THRB: variants seen among roughly 807,000 people sequenced by gnomAD.
THRB encodes the protein nuclear receptor subfamily 1 group A member 2.
In THRB, 12 loss-of-function variants were observed where a neutral mutation model predicts 47.8. The observed-to-expected ratio is 0.25, with a 90% CI of 0.16 to 0.41. THRB has a LOEUF of 0.41. THRB is among the 10% of genes least tolerant of loss of function. The pLI is 1.00. For synonymous variants in THRB, 218 were observed against 212.2 expected (o/e 1.03, Z -0.24); for missense variants, 348 against 589.2 (o/e 0.59, Z 4.24).
intron 1 of THRB, among the ~76,000 whole-genome samples, chr3:24,396,188 A>G (rs766045383): frequency 6.6e-5 from 10 of 151,948 alleles, no homozygotes; most frequent in Non-Finnish European, 7.4e-5. Flanking sequence ...TATTTTTTCT[A>G]TATATACACA....
chr3:24,178,560 T>C (rs547077743), intron 5 of THRB, among the ~76,000 whole-genome samples: 1 of 152,338 alleles, frequency 6.6e-6, no homozygotes, highest in South Asian at 2.1e-4. Flanking sequence ...TCAGCCTGTA[T>C]TTTGTCAAGA....
At chr3:24,200,861 G>A (rs57942045) in intron 4 of THRB, among the ~76,000 whole-genome samples, 1,777 of 152,230 alleles carry the variant, frequency 0.012, 38 homozygotes, top group African/African-American at 0.04. Flanking sequence ...GAGAGCAGGC[G>A]CTTTTGGGAT....
At chr3:24,474,056 C>T (rs926339356) in intron 1 of THRB, among the ~76,000 whole-genome samples, 11 of 152,092 alleles carry the variant, frequency 7.2e-5, no homozygotes, top group African/African-American at 2.7e-4. Flanking sequence ...ACGTGTATAC[C>T]TATGTAACAA....
chr3:24,304,640 TA>T (rs2057206915), intron 2 of THRB, among the ~76,000 whole-genome samples: 1 of 152,028 alleles, frequency 6.6e-6, no homozygotes, highest in South Asian at 2.1e-4. Flanking sequence ...AACAAAAATG[TA>T]AACCTAAATA....
chr3:24,444,010 T>A (rs1416659185), intron 1 of THRB, among the ~76,000 whole-genome samples: 1 of 152,168 alleles, frequency 6.6e-6, no homozygotes, highest in Admixed American at 6.5e-5. Context: ...CATTTTATAG[T>A]ATTCCAAAAC....
chr3:24,415,272 C>T (rs765730323), intron 1 of THRB, among the ~76,000 whole-genome samples: 2 of 151,858 alleles, frequency 1.3e-5, no homozygotes, highest in Non-Finnish European at 2.9e-5. Flanking sequence ...AATGCTGATA[C>T]TCCAGCTACT....
chr3:24,451,772 T>A lies in THRB; in HGVS notation c.-261+42880A>T, dbSNP rs567714154. Among the ~76,000 whole-genome samples the A allele has an allele frequency of 5.3e-5, 8 of 152,300 alleles. No individual in the cohort carries two copies. In the East Asian group the frequency reaches 1.5e-3, roughly 29 times the overall value. ...GGGAGTGAATCAGACTTGCAGCCAA[T>A]AAGCACAAAGCTGACCTTTAAACCT... is the stretch of plus-strand genomic sequence containing the variant. On this transcript the variant is annotated intron_variant, in intron 1 of 10. Coordinates refer to ENST00000646209, the MANE Select transcript of THRB (RefSeq NM_001354712.2).
intron 8 of THRB, among the ~76,000 whole-genome samples, chr3:24,136,801 C>T (rs1170987372): frequency 6.6e-6 from 1 of 152,190 alleles, no homozygotes; most frequent in East Asian, 1.9e-4. Context: ...CTGATATCCT[C>T]TCTTTGCCCT....
At chr3:24,382,993 C>A (rs570565699) in intron 1 of THRB, among the ~76,000 whole-genome samples, 2 of 152,210 alleles carry the variant, frequency 1.3e-5, no homozygotes, top group South Asian at 4.2e-4. Flanking sequence ...GGAACATTCC[C>A]CTCTAGTCTA....
chr3:24,133,229 C>A lies in THRB; in HGVS notation c.885+87G>T, dbSNP rs370147368. The A allele has an allele frequency of 2.1e-5, 30 of 1,455,562 alleles. No individual in the cohort carries two copies. In the East Asian group the frequency reaches 2.8e-4, roughly 13 times the overall value. 90.2% of individuals were successfully genotyped at this position (1,455,562 alleles called of 1,614,324 possible). A position where few individuals can be genotyped will look rare whatever the true frequency, so the allele number is the denominator to read the frequency against. On this transcript the variant is annotated intron_variant, in intron 9 of 10. Coordinates refer to ENST00000646209, the MANE Select transcript of THRB (RefSeq NM_001354712.2). ...ATATGATTAAGTCCCTACTAATTAA[C>A]ATTAAATTGTAAATAATACCCAGTA...
intron 6 of THRB, among the ~76,000 whole-genome samples, chr3:24,151,526 A>T (rs2036937356): frequency 6.6e-6 from 1 of 152,254 alleles, no homozygotes; most frequent in Admixed American, 6.5e-5. Context: ...GGTATTTAAC[A>T]AGTAAACAAT....
chr3:24,488,746 G>C (rs144250496), intron 1 of THRB, among the ~76,000 whole-genome samples: 17 of 152,246 alleles, frequency 1.1e-4, no homozygotes, highest in African/African-American at 4.1e-4. Context: ...TTAAATGAAT[G>C]AGTAGTAACT....
chr3:24,217,296 T>A (rs2046665276), intron 4 of THRB, among the ~76,000 whole-genome samples: 4 of 152,074 alleles, frequency 2.6e-5, no homozygotes. Flanking sequence ...TATGAGGCAG[T>A]CTGTGACACT....
intron 1 of THRB, among the ~76,000 whole-genome samples, chr3:24,454,395 G>A (rs182522522): frequency 2.0e-5 from 3 of 152,262 alleles, no homozygotes; most frequent in African/African-American, 7.2e-5. Context: ...ATGAGTGTGA[G>A]GTTTTTGAGG....
At chr3:24,345,132 G>A (rs2062930156) in intron 1 of THRB, among the ~76,000 whole-genome samples, 1 of 152,138 alleles carries the variant, frequency 6.6e-6, no homozygotes, top group South Asian at 2.1e-4. Context: ...CTTCCGCTGG[G>A]TAATTTATAC....
At chr3:24,158,441 G>T (rs970055753) in intron 5 of THRB, among the ~76,000 whole-genome samples, 7 of 19,212 alleles carry the variant, frequency 3.6e-4, no homozygotes, top group East Asian at 7.4e-4. Context: ...TTTGGGGGGA[G>T]GGTGGGGGAC....
chr3:24,188,453 C>G (rs890717669), intron 5 of THRB, among the ~76,000 whole-genome samples: 3 of 152,158 alleles, frequency 2.0e-5, no homozygotes, highest in Non-Finnish European at 2.9e-5. Context: ...ATCTTGTATT[C>G]AAACAGAGAC....
intron 3 of THRB, among the ~76,000 whole-genome samples, chr3:24,277,385 T>C (rs1291902176): frequency 1.3e-5 from 2 of 152,110 alleles, no homozygotes; most frequent in East Asian, 1.9e-4. Context: ...ATCAGTAATA[T>C]TCAAAATACA....
chr3:24,413,437 A>C (rs1416034946), intron 1 of THRB, among the ~76,000 whole-genome samples: 1 of 151,878 alleles, frequency 6.6e-6, no homozygotes, highest in African/African-American at 2.4e-5. Flanking sequence ...TTTATATTTA[A>C]GTATTGGCAG....
Sources: gnomAD v4.1 joint callset for allele counts (sites outside exome capture counted in the v4.1 genomes callset) on GRCh38, gnomAD v4.1.1 for gene constraint, MANE v1.5 for transcripts, NCBI Gene and HGNC (gene_info 2026-07-23, HGNC 2026-07-21) for gene names.